ACOX3: variants seen among roughly 807,000 people sequenced by gnomAD.
ACOX3 encodes the protein peroxisomal acyl-coenzyme A oxidase 3.
A neutral mutation model predicts 81.5 loss-of-function variants in ACOX3; 73 were observed. That is an observed-to-expected ratio of 0.90 (90% confidence interval 0.74 to 1.09). The LOEUF (loss-of-function observed/expected upper bound fraction) is 1.09, where lower values mean the gene tolerates loss of function less well. ACOX3 is among the 50% of genes least tolerant of loss of function. ACOX3 has a pLI of 0.00. For missense variants in ACOX3, 947 were observed against 928.0 expected (o/e 1.02, Z -0.27); for synonymous variants, 387 against 375.1 (o/e 1.03, Z -0.37).
At chr4:8,377,853 A>G (rs1332328572) in intron 14 of ACOX3, among the ~76,000 whole-genome samples, 3 of 152,164 alleles carry the variant, frequency 2.0e-5, no homozygotes, top group African/African-American at 7.2e-5. Flanking sequence ...CCACGGACAA[A>G]GTGTCCCCAC....
Position 8,416,729 on chromosome 4 carries a change from G to A in ACOX3, c.-14-194C>T, listed in dbSNP as rs566544833. Among the ~76,000 whole-genome samples, 10 of 152,346 alleles carry A rather than the reference G, an allele frequency of 6.6e-5. No individual in the cohort carries two copies. In the East Asian group the frequency reaches 1.5e-3, roughly 24 times the overall value. On this transcript the variant is annotated intron_variant, in intron 1 of 17. Transcript: ENST00000356406. The surrounding 1 kb of genome is among the most constrained non-coding windows in gnomAD (Gnocchi z 4.2). ...AAGAAAAGGCGAGAAGAATTCCCTCGTCCACTCCTGAACACAGATGCCAAG... is the reference window on the plus strand; with the variant it reads ...AAGAAAAGGCGAGAAGAATTCCCTCATCCACTCCTGAACACAGATGCCAAG...
At chr4:8,429,219 G>A (rs1319808444) in intron 1 of ACOX3, among the ~76,000 whole-genome samples, 1 of 152,220 alleles carries the variant, frequency 6.6e-6, no homozygotes, top group East Asian at 1.9e-4. Flanking sequence ...GCCACTCTTT[G>A]AGACGAATTA....
intron 8 of ACOX3, among the ~76,000 whole-genome samples, chr4:8,397,651 C>G (rs1229275944): frequency 6.6e-6 from 1 of 152,230 alleles, no homozygotes; most frequent in African/African-American, 2.4e-5. Context: ...GCGGCGTCAG[C>G]AGAGGCTGTT....
At chr4:8,373,002 C>T (rs906011382) in intron 16 of ACOX3, among the ~76,000 whole-genome samples, 1 of 152,264 alleles carries the variant, frequency 6.6e-6, no homozygotes, top group South Asian at 2.1e-4. Context: ...CAGCTTCTGT[C>T]CCCGGATGGA....
At position 8,416,383 on chromosome 4, in the gene ACOX3, A is replaced by G. The variant is rs1428580402; in HGVS notation, c.139T>C (p.Phe47Leu). The change falls in exon 2 of 18, where the codon TTT (phenylalanine) becomes CTT (leucine). Residue 47 changes from phenylalanine to leucine, a missense_variant. By Grantham distance (22) the Phe-to-Leu change is conservative. Coordinates refer to ENST00000356406, the MANE Select transcript of ACOX3 (RefSeq NM_003501.3). This position sits in a 1 kb window ranked among gnomAD's most constrained non-coding sequence, Gnocchi z 4.2. ...LFTEGEGMLR[F>L]KKTIFSALEN... is the part of the protein sequence containing the mutation. The stretch of plus-strand genomic sequence containing the variant: ...CGCACAACCGCACGCCTCACCTTAA[A>G]GCGGAGCATGCCCTCCCCTTCCGTG... 1.2e-6 allele frequency: 2 copies of G among 1,614,164 alleles called. No homozygotes were observed. Among genetic ancestry groups the G allele is most frequent in the Non-Finnish European group, 8.5e-7 (1 of 1,180,036 alleles).
At chr4:8,396,788 T>G in intron 9 of ACOX3, 149 bp downstream of exon 9, 1 of 879,296 alleles carries the variant, frequency 1.1e-6, no homozygotes, top group Non-Finnish European at 1.7e-6. Flanking sequence ...CCTTGCGGCC[T>G]GAGATGCCGC....
intron 1 of ACOX3, among the ~76,000 whole-genome samples, chr4:8,433,612 G>T (rs1013720135): frequency 1.3e-5 from 2 of 152,202 alleles, no homozygotes; most frequent in African/African-American, 4.8e-5. Context: ...CAGTGTGTCT[G>T]GGAGGATACG....
rs113656171 is a variant in ACOX3 at position 8,402,189 on chromosome 4, C to T, written c.777-2537G>A. On this transcript the variant is annotated intron_variant, in intron 7 of 17. Coordinates refer to ENST00000356406, the MANE Select transcript of ACOX3 (RefSeq NM_003501.3). ...TTCCACACTACCAGGAGGAGCAAGG[C>T]CCTGGGGCCGGGTGGGGACGGGGCT... 3.3e-5 allele frequency among the ~76,000 whole-genome samples: 5 copies of T among 152,364 alleles called. 1 individual carries two copies. The highest frequency in any genetic ancestry group is 1.2e-4 in the African/African-American group (5 of 41,590).
At chr4:8,413,517 A>C (rs28853029) in intron 5 of ACOX3, among the ~76,000 whole-genome samples, 2 of 70,570 alleles carry the variant, frequency 2.8e-5, no homozygotes, top group African/African-American at 5.7e-5. Context: ...CCCTCCATGC[A>C]CCCCTCCATG....
At chr4:8,415,728 T>C in intron 3 of ACOX3, 38 bp downstream of exon 3, 1 of 1,588,058 alleles carries the variant, frequency 6.3e-7, no homozygotes, top group Non-Finnish European at 8.6e-7. Context: ...CAGCGCAGCA[T>C]GAAAGCCGTT....
chr4:8,389,461 T>G lies in ACOX3; in HGVS notation c.1423+151A>C. 2 of 1,377,670 alleles carry G rather than the reference T, an allele frequency of 1.5e-6. No individual in the cohort carries two copies. The allele number at this position is 1,377,670 out of a possible 1,614,324, so 85.3% of individuals were successfully genotyped here. On this transcript the variant is annotated intron_variant, in intron 12 of 17. Coordinates refer to ENST00000356406, the MANE Select transcript of ACOX3 (RefSeq NM_003501.3). This position sits in a 1 kb window ranked among gnomAD's most constrained non-coding sequence, Gnocchi z 5.3. ...CCCACCCCAGCCTTTGCCCATGCCT[T>G]GGGGAGTTGGTCGGCACTATCTAAT...
chr4:8,415,030 T>C, intron 3 of ACOX3, 102 bp from the exon 4 acceptor site: 1 of 1,082,328 alleles, frequency 9.2e-7, no homozygotes, highest in Non-Finnish European at 1.4e-6. Context: ...ATGCCCACGC[T>C]GGTTCCCTGC....
In ACOX3 at chr4:8,383,870, G is replaced by A. The variant is rs73209462; in HGVS notation, c.1538-2263C>T. On this transcript the variant is annotated intron_variant, in intron 13 of 17. Coordinates refer to ENST00000356406, the MANE Select transcript of ACOX3 (RefSeq NM_003501.3). The stretch of plus-strand genomic sequence containing the variant: ...AGATGGTCACGAACAGCAAGGAAAG[G>A]TAGACGCCGTACAGTTGTGCTTCCC... Among the ~76,000 whole-genome samples the A allele has an allele frequency of 8.6e-3, 1,316 of 152,312 alleles. 7 individuals are homozygous for A. The highest frequency in any genetic ancestry group is 0.035 in the South Asian group (168 of 4,826).
chr4:8,427,426 C>T (rs1388787152), intron 1 of ACOX3, among the ~76,000 whole-genome samples: 4 of 152,200 alleles, frequency 2.6e-5, no homozygotes, highest in African/African-American at 4.8e-5. Flanking sequence ...TGGCTGCTGT[C>T]GCAGACGCCC....
In ACOX3 at chr4:8,392,015, A is replaced by G. The variant is rs1312505954; in HGVS notation, c.1300+318T>C. Among the ~76,000 whole-genome samples, 4 of 152,378 alleles carry G rather than the reference A, an allele frequency of 2.6e-5. No homozygotes were observed. In the East Asian group the frequency reaches 5.8e-4, roughly 22 times the overall value. Reference sequence around the variant, plus strand: ...TTGGCCAAGAAGCATCAGGCATCTGAAAGCAGTGGGATCTATCTAGGGCAG... The same window carrying G: ...TTGGCCAAGAAGCATCAGGCATCTGGAAGCAGTGGGATCTATCTAGGGCAG... On this transcript the variant is annotated intron_variant, in intron 11 of 17. Transcript: ENST00000356406.
At chr4:8,403,068 T>G (rs1720546191) in intron 7 of ACOX3, among the ~76,000 whole-genome samples, 1 of 152,174 alleles carries the variant, frequency 6.6e-6, no homozygotes, top group South Asian at 2.1e-4. Flanking sequence ...AACTATCACT[T>G]GAGAAGATCT....
intron 17 of ACOX3, among the ~76,000 whole-genome samples, chr4:8,367,657 TC>T (rs1369403494): frequency 1.3e-5 from 2 of 150,930 alleles, no homozygotes; most frequent in African/African-American, 4.9e-5. Flanking sequence ...ATAATGAAAA[TC>T]ACCCCTCGCC....
rs1253339665 is a variant in ACOX3, at chr4:8,432,871, G to A, written c.-15+7777C>T. Among the ~76,000 whole-genome samples, 1 of 152,312 alleles carries A rather than the reference G, an allele frequency of 6.6e-6. No individual in the cohort carries two copies. On this transcript the variant is annotated intron_variant, in intron 1 of 17. Coordinates refer to ENST00000356406, the MANE Select transcript of ACOX3 (RefSeq NM_003501.3). This position sits in a 1 kb window ranked among gnomAD's most constrained non-coding sequence, Gnocchi z 6.2. Reference sequence around the variant, plus strand: ...TCAACAGTAGCCCCTAGCCTCATGTGGCTACTTAAATGTGCAGCAGTTAAA... The same window carrying A: ...TCAACAGTAGCCCCTAGCCTCATGTAGCTACTTAAATGTGCAGCAGTTAAA...
downstream of ACOX3, among the ~76,000 whole-genome samples, chr4:8,361,868 G>C (rs1715239725): frequency 6.6e-6 from 1 of 152,158 alleles, no homozygotes; most frequent in Non-Finnish European, 1.5e-5. Context: ...ATGGTGTTTG[G>C]TTTTCTTTGG....
Sources: gnomAD v4.1 joint callset for allele counts (sites outside exome capture counted in the v4.1 genomes callset) on GRCh38, gnomAD v4.1.1 for gene constraint, Gnocchi (gnomAD v3.1) non-coding constraint, MANE v1.5 for transcripts, NCBI Gene and HGNC (gene_info 2026-07-23, HGNC 2026-07-21) for gene names.